AGBL1: variants seen among roughly 807,000 people sequenced by gnomAD.
AGBL1 encodes the protein cytosolic carboxypeptidase 4.
Under a neutral mutation model 118.9 loss-of-function variants are expected in AGBL1, and 130 were observed. The ratio of observed to expected loss-of-function variants is 1.09; its 90% CI spans 0.95 to 1.26. The LOEUF (loss-of-function observed/expected upper bound fraction) is 1.26. Ranked by LOEUF, AGBL1 falls within the 50% of genes most tolerant of loss-of-function variation. The pLI, the probability that AGBL1 is intolerant of heterozygous loss-of-function variation, is 0.00. For missense variants in AGBL1, 1,584 were observed against 1,298.1 expected (o/e 1.22, Z -3.38); for synonymous variants, 555 against 478.9 (o/e 1.16, Z -2.08).
At position 86,179,048 on chromosome 15, in the gene AGBL1, C is replaced by A. The variant is rs896208778; in HGVS notation, c.488+20022C>A. 3.9e-5 allele frequency among the ~76,000 whole-genome samples: 6 copies of A among 152,306 alleles called. No individual in the cohort carries two copies. The South Asian group carries it at 1.2e-3, about 32-fold the overall frequency. ...ATGATTATCTTGAGTAATGGGCCAC[C>A]TGGTGGTCTGGCCAGCAGCAACAAG... On this transcript the variant is annotated intron_variant, in intron 5 of 22. Coordinates refer to ENST00000614907, the MANE Select transcript of AGBL1 (RefSeq NM_001386094.1).
intron 15 of AGBL1, among the ~76,000 whole-genome samples, chr15:86,276,701 A>T (rs1022686615): frequency 6.6e-6 from 1 of 152,228 alleles, no homozygotes; most frequent in South Asian, 2.1e-4. Flanking sequence ...AGTGAAGAAG[A>T]CTTAGCTAAA....
chr15:86,413,640 T>C (rs899718980), intron 18 of AGBL1, among the ~76,000 whole-genome samples: 3 of 152,176 alleles, frequency 2.0e-5, no homozygotes, highest in Non-Finnish European at 4.4e-5. Flanking sequence ...TTGGGTATTT[T>C]TTAGGTGCTT....
chr15:86,550,750 T>G (rs2083652847), intron 20 of AGBL1, among the ~76,000 whole-genome samples: 1 of 151,922 alleles, frequency 6.6e-6, no homozygotes, highest in African/African-American at 2.4e-5. Flanking sequence ...AACTTACATA[T>G]AGCAGTTCTT....
intron 18 of AGBL1, among the ~76,000 whole-genome samples, chr15:86,477,586 A>C (rs1051221070): frequency 6.6e-6 from 1 of 152,208 alleles, no homozygotes. Context: ...TGAGGCAATA[A>C]TTAATTGCTT....
In AGBL1 at chr15:86,416,621, C is replaced by G. The variant is rs548450153; in HGVS notation, c.2555+19075C>G. ...CTAGCTATTAATCTAGCCATCTTGG[C>G]AGTGCATTATTGAGTGTTCTAATTC... On this transcript the variant is annotated intron_variant, in intron 18 of 22. Coordinates refer to ENST00000614907, the MANE Select transcript of AGBL1 (RefSeq NM_001386094.1). 5.3e-5 allele frequency among the ~76,000 whole-genome samples: 8 copies of G among 152,182 alleles called. No individual in the cohort carries two copies. In the East Asian group the frequency reaches 1.5e-3, roughly 29 times the overall value.
chr15:86,616,584 G>A (rs910983872), intron 21 of AGBL1, among the ~76,000 whole-genome samples: 1 of 152,116 alleles, frequency 6.6e-6, no homozygotes, highest in African/African-American at 2.4e-5. Context: ...GATTTAACTT[G>A]CTGTTGACCC....
chr15:86,590,853 G>T (rs2084324063), intron 21 of AGBL1, among the ~76,000 whole-genome samples: 2 of 152,174 alleles, frequency 1.3e-5, no homozygotes, highest in South Asian at 2.1e-4. Context: ...ATATGTCAAA[G>T]AAATATATTC....
At chr15:87,027,867 C>T (rs908751551) in intron 24 of AGBL1, among the ~76,000 whole-genome samples, 5 of 151,840 alleles carry the variant, frequency 3.3e-5, no homozygotes, top group African/African-American at 4.8e-5. Flanking sequence ...GAACAACACA[C>T]ACTGGGGCCT....
intron 24 of AGBL1, among the ~76,000 whole-genome samples, chr15:86,995,001 T>C (rs979954749): frequency 6.6e-6 from 1 of 152,194 alleles, no homozygotes; most frequent in African/African-American, 2.4e-5. Context: ...TTTATGTTTT[T>C]TTGGCCAGGC....
chr15:86,799,570 A>G (rs1207374165), intron 22 of AGBL1, among the ~76,000 whole-genome samples: 1 of 152,134 alleles, frequency 6.6e-6, no homozygotes, highest in African/African-American at 2.4e-5. Context: ...AAAAAATGGC[A>G]TCTGATATTG....
At chr15:86,125,888 T>C (rs1214120167) in intron 1 of AGBL1, among the ~76,000 whole-genome samples, 1 of 152,230 alleles carries the variant, frequency 6.6e-6, no homozygotes, top group Admixed American at 6.5e-5. Flanking sequence ...AATATCTCCT[T>C]AGTTTTTGGA....
intron 1 of AGBL1, among the ~76,000 whole-genome samples, chr15:86,107,039 G>A (rs549062160): frequency 6.6e-6 from 1 of 152,252 alleles, no homozygotes; most frequent in African/African-American, 2.4e-5. Flanking sequence ...TTCACAAAGG[G>A]GAGAAGGAGA....
At chr15:86,418,018 C>G (rs1311409524) in intron 18 of AGBL1, among the ~76,000 whole-genome samples, 1 of 152,152 alleles carries the variant, frequency 6.6e-6, no homozygotes, top group Middle Eastern at 3.2e-3. Context: ...CTAGATGGAT[C>G]AAGTCTTGAA....
chr15:86,479,979 G>C (rs753731043), intron 18 of AGBL1, among the ~76,000 whole-genome samples: 1 of 151,822 alleles, frequency 6.6e-6, no homozygotes, highest in African/African-American at 2.4e-5. Flanking sequence ...GCAAACTATC[G>C]CAAGGACAAA....
intron 17 of AGBL1, among the ~76,000 whole-genome samples, chr15:86,397,149 T>G (rs946715647): frequency 1.3e-5 from 2 of 151,794 alleles, no homozygotes; most frequent in East Asian, 1.9e-4. Context: ...AAGGCTACGG[T>G]TTTTTAGATT....
At chr15:86,719,610 C>T (rs2086687313) in intron 22 of AGBL1, among the ~76,000 whole-genome samples, 2 of 152,062 alleles carry the variant, frequency 1.3e-5, no homozygotes, top group South Asian at 4.1e-4. Context: ...TCCCTCCCTT[C>T]CCTTTTCCTC....
intron 17 of AGBL1, chr15:86,312,067 T>C (rs749938084): frequency 6.6e-6 from 1 of 152,264 alleles, no homozygotes; most frequent in Non-Finnish European, 1.5e-5. Context: ...TTCATTTCTC[T>C]GTTAGAGTAA....
At chr15:86,142,094 C>T (rs58977055) in intron 2 of AGBL1, 27 bp downstream of exon 2, 39,132 of 1,548,370 alleles carry the variant, frequency 0.025, 566 homozygotes, top group African/African-American at 0.054. Flanking sequence ...CTCATGCTTT[C>T]ATATGGCGGA....
At position 86,202,090 on chromosome 15, in the gene AGBL1, C is replaced by T. The variant is rs141939027; in HGVS notation, c.489-22824C>T. 1.7e-3 allele frequency among the ~76,000 whole-genome samples: 255 copies of T among 152,168 alleles called. 2 individuals are homozygous for T. Among genetic ancestry groups the T allele is most frequent in the Non-Finnish European group, 2.9e-3 (194 of 67,994 alleles). ...GGTGGATCACTTGAGCTTAGGAGTTCGACACCAGCCTGGCCAACATGGTGA... is the reference window on the plus strand; with the variant it reads ...GGTGGATCACTTGAGCTTAGGAGTTTGACACCAGCCTGGCCAACATGGTGA... On this transcript the variant is annotated intron_variant, in intron 5 of 22. Transcript: ENST00000614907.
Sources: gnomAD v4.1 joint callset for allele counts (sites outside exome capture counted in the v4.1 genomes callset) on GRCh38, gnomAD v4.1.1 for gene constraint, MANE v1.5 for transcripts, NCBI Gene and HGNC (gene_info 2026-07-23, HGNC 2026-07-21) for gene names.